BCAR1: variants seen among roughly 807,000 people sequenced by gnomAD.
BCAR1 encodes breast cancer anti-estrogen resistance protein 1.
In BCAR1, 30 loss-of-function variants were observed where a neutral mutation model predicts 67.6. That is an observed-to-expected ratio of 0.44 (90% confidence interval 0.33 to 0.60). BCAR1 has a LOEUF of 0.60. Ranked by LOEUF, BCAR1 falls within the 20% of genes least tolerant of loss-of-function variation. The probability of loss-of-function intolerance (pLI) is 0.02; values close to 1 mark genes in which losing one functional copy is unlikely to be tolerated. For synonymous variants in BCAR1, 626 were observed against 556.7 expected (o/e 1.12, Z -1.75); for missense variants, 1,313 against 1,222.3 (o/e 1.07, Z -1.11).
At position 75,229,669 on chromosome 16, in the gene BCAR1, G is replaced by A; in HGVS notation, c.2455C>T (p.Leu819=). 1 of 1,612,872 alleles carries A rather than the reference G, an allele frequency of 6.2e-7. No homozygotes were observed. ...ACGATGCCGCGCAGGAGGTCGCACA[G>A]CAGGTTGCTGTAGTGGGTCACCTGG... ...RSQVTHYSNL[L]CDLLRGIVAT... The change falls in exon 7 of 7, where the codon CTG becomes TTG. Residue 819 remains leucine (L), a synonymous_variant. Coordinates refer to ENST00000162330, the MANE Select transcript of BCAR1 (RefSeq NM_014567.5).
At chr16:75,251,373 C>A (rs1308564068) in intron 1 of BCAR1, 98 bp downstream of exon 1, 3 of 1,427,204 alleles carry the variant, frequency 2.1e-6, no homozygotes, top group East Asian at 3.1e-5. Flanking sequence ...GGTTCCCAGG[C>A]CCCGCAGGTC....
At chr16:75,267,109 A>G (rs1174137611) in intron 1 of BCAR1, among the ~76,000 whole-genome samples, 1 of 152,066 alleles carries the variant, frequency 6.6e-6, no homozygotes, top group Non-Finnish European at 1.5e-5. Context: ...CTTTTTCCCC[A>G]AGGGGCGTGC....
rs764878917 is a variant in BCAR1 at position 75,242,963 on chromosome 16, G to A, written c.140C>T (p.Ser47Leu). 8.7e-6 allele frequency: 14 copies of A among 1,613,202 alleles called. No individual in the cohort carries two copies. The highest frequency in any genetic ancestry group is 2.7e-5 in the African/African-American group (2 of 74,894). ...TQGLDGWWLC[S>L]LHGRQGIVPG... ...CACGATGCCCTGGCGCCCATGCAGC[G>A]AGCAGAGCCACCAGCCGTCCAGGCC... is the stretch of plus-strand genomic sequence containing the variant. The change falls in exon 2 of 7, where the codon TCG becomes TTG. Residue 47 changes from serine (S) to leucine (L), a missense_variant. Coordinates refer to ENST00000162330, the MANE Select transcript of BCAR1 (RefSeq NM_014567.5).
chr16:75,235,106 T>C lies in BCAR1; in HGVS notation c.1793A>G (p.His598Arg), dbSNP rs780565375. 1 of 1,611,880 alleles carries C rather than the reference T, an allele frequency of 6.2e-7. No homozygotes were observed. Among genetic ancestry groups the C allele is most frequent in the Admixed American group, 1.7e-5 (1 of 60,030 alleles). ...EDAKQLASFL[H>R]GNASLLFRRT... ...TCTGAAGAGCAGTGAGGCATTGCCG[T>C]GCAGGAAGGAGGCCAGCTGCTTGGC... The change falls in exon 5 of 7, where the codon CAC becomes CGC. Residue 598 changes from histidine to arginine, a missense_variant. By Grantham distance (29) the His-to-Arg change is conservative (BLOSUM62 0). This residue lies in a region of BCAR1 where 1,272 missense variants were observed against 1,137.5 expected (regional missense o/e 1.12). Transcript: ENST00000162330.
chr16:75,244,428 G>C lies in BCAR1; in HGVS notation c.13-1338C>G, dbSNP rs575762980. ...GGAGTGGGGGTGAGGCCTCTTTCAAGTCCCTAGGGCCCACCCTCCTCCCCT... is the reference window on the plus strand; with the variant it reads ...GGAGTGGGGGTGAGGCCTCTTTCAACTCCCTAGGGCCCACCCTCCTCCCCT... On this transcript the variant is annotated intron_variant, in intron 1 of 6. Coordinates refer to ENST00000162330, the MANE Select transcript of BCAR1 (RefSeq NM_014567.5). 2.3e-3 allele frequency among the ~76,000 whole-genome samples: 348 copies of C among 152,320 alleles called. 1 individual carries two copies. Among genetic ancestry groups the C allele is most frequent in the Non-Finnish European group, 1.5e-3 (105 of 68,028 alleles).
rs182599071 is a variant in BCAR1 at position 75,231,129 on chromosome 16, C to T, written c.2101-1106G>A. On this transcript the variant is annotated intron_variant, in intron 6 of 6. Coordinates refer to ENST00000162330, the MANE Select transcript of BCAR1 (RefSeq NM_014567.5). ...TTTTTTTTTTTTAAATGGAGTCTTG[C>T]TCTATCGCCCAGGCTGAAGTGAAGT... Among the ~76,000 whole-genome samples the T allele has an allele frequency of 7.1e-3, 1,043 of 146,882 alleles. 9 individuals carry two copies. The highest frequency in any genetic ancestry group is 0.025 in the African/African-American group (991 of 39,746).
chr16:75,263,315 G>A (rs1260383259), intron 1 of BCAR1: 31 of 985,358 alleles, frequency 3.1e-5, no homozygotes, highest in Non-Finnish European at 3.6e-5. Context: ...ATGCCAGCCA[G>A]AGGTCTGAGG....
At chr16:75,250,435 C>A (rs1468576668) in intron 1 of BCAR1, among the ~76,000 whole-genome samples, 1 of 152,196 alleles carries the variant, frequency 6.6e-6, no homozygotes, top group Non-Finnish European at 1.5e-5. Context: ...GGAAACATCT[C>A]ACTAGCAAAG....
intron 6 of BCAR1, among the ~76,000 whole-genome samples, chr16:75,231,779 C>A (rs1351351207): frequency 1.3e-5 from 2 of 152,224 alleles, no homozygotes; most frequent in African/African-American, 4.8e-5. Flanking sequence ...GTGCTGGAGG[C>A]ACACAGAGGA....
At chr16:75,251,397 C>G (rs1307243013) in intron 1 of BCAR1, 74 bp downstream of exon 1, 1 of 1,468,614 alleles carries the variant, frequency 6.8e-7, no homozygotes, top group African/African-American at 1.5e-5. Flanking sequence ...CAGGAAATGC[C>G]GCTCGCTTAA....
Position 75,235,493 on chromosome 16 carries a change from C to G in BCAR1, c.1406G>C (p.Gly469Ala). 6.2e-7 allele frequency: 1 copy of G among 1,601,068 alleles called. No homozygotes were observed. Among genetic ancestry groups the G allele is most frequent in the Admixed American group, 1.7e-5 (1 of 58,016 alleles). ...AAGGTGGGCAACGGTGGCGCTCACA[C>G]CCTGCTGCAGCCGTGCCAGGGCCTC... ...AVEALARLQQ[G>A]VSATVAHLLD... Residue 469 changes from glycine (G) to alanine (A), a missense_variant, in exon 5 of 7, where the codon GGT becomes GCT. Gly to Ala is a moderately conservative substitution (Grantham distance 60). Around this residue, in one of 2 missense-constraint regions of BCAR1, gnomAD observed 1,272 missense variants for 1,137.5 expected, o/e 1.12. Transcript: ENST00000162330.
rs1256927204 is a variant in BCAR1 at position 75,251,586 on chromosome 16, C to G, written c.-104G>C. 4 of 1,050,514 alleles carry G rather than the reference C, an allele frequency of 3.8e-6. No individual in the cohort carries two copies. The South Asian group carries it at 1.8e-4, about 46-fold the overall frequency. 65.1% of individuals were successfully genotyped at this position (1,050,514 alleles called of 1,614,324 possible). ...GAGCGCGCCGCAGCCGCCCCGGTGC[C>G]GCCGCGCAGCTGCCGCCTCGGCCAC... On this transcript the variant is annotated 5_prime_UTR_variant, in exon 1 of 7. Transcript: ENST00000162330.
intron 1 of BCAR1, among the ~76,000 whole-genome samples, chr16:75,261,962 A>AC (rs2077915436): frequency 6.6e-6 from 1 of 152,072 alleles, no homozygotes; most frequent in African/African-American, 2.4e-5. Flanking sequence ...AGCTCTGGTC[A>AC]CCCCTCACCA....
At chr16:75,262,395 C>T (rs536860895) in intron 1 of BCAR1, among the ~76,000 whole-genome samples, 37 of 152,346 alleles carry the variant, frequency 2.4e-4, no homozygotes, top group African/African-American at 8.2e-4. Flanking sequence ...TGGACAATGG[C>T]AGACGGCGCC....
At chr16:75,248,078 C>A in intron 1 of BCAR1, 1 of 1,588,660 alleles carries the variant, frequency 6.3e-7, no homozygotes, top group Non-Finnish European at 8.5e-7. Flanking sequence ...ACAGGAAAAC[C>A]AAGGCTCAGA....
At position 75,229,161 on chromosome 16, in the gene BCAR1, TC is replaced by T. The variant is rs1226343349; in HGVS notation, c.*349del. The T allele has an allele frequency of 3.5e-5, 9 of 258,478 alleles. No individual in the cohort carries two copies. The highest frequency in any genetic ancestry group is 1.5e-4 in the African/African-American group (7 of 45,330). 16.0% of individuals were successfully genotyped at this position (258,478 alleles called of 1,614,324 possible). A position where few individuals can be genotyped will look rare whatever the true frequency, so the allele number is the denominator to read the frequency against. ...GACACACCAAACTGCACTGGCCCTG[TC>T]AGGGGACACGGCACCCTCGTGGGAC... is the stretch of plus-strand genomic sequence containing the variant. On this transcript the variant is annotated 3_prime_UTR_variant, in exon 7 of 7. Transcript: ENST00000162330.
chr16:75,249,391 C>A (rs952984590), intron 1 of BCAR1: 2 of 152,256 alleles, frequency 1.3e-5, no homozygotes, highest in Non-Finnish European at 2.9e-5. Context: ...ACAGGTGGAG[C>A]CAGGGCCTCT....
intron 1 of BCAR1, among the ~76,000 whole-genome samples, chr16:75,267,068 C>G (rs1032440685): frequency 2.0e-5 from 3 of 152,312 alleles, no homozygotes; most frequent in African/African-American, 7.2e-5. Context: ...CCAAAAGCCC[C>G]CAGTAGCAGG....
chr16:75,253,075 C>A (rs113452771), upstream of BCAR1, among the ~76,000 whole-genome samples: 18 of 152,340 alleles, frequency 1.2e-4, no homozygotes, highest in Non-Finnish European at 2.6e-4. Context: ...TCAGGAGGAA[C>A]AGAACAGCTA....
Sources: gnomAD v4.1 joint callset for allele counts (sites outside exome capture counted in the v4.1 genomes callset) on GRCh38, gnomAD v4.1.1 for gene constraint, gnomAD v4.1.1 regional missense constraint, MANE v1.5 for transcripts, NCBI Gene and HGNC (gene_info 2026-07-23, HGNC 2026-07-21) for gene names.